PCDHGC4: variants seen among roughly 807,000 people sequenced by gnomAD.
The protein encoded by PCDHGC4 is protocadherin gamma-C4.
PCDHGC4 carries 15 observed loss-of-function variants against 59.7 expected under a neutral mutation model. That is an observed-to-expected ratio of 0.25 (90% CI 0.17 to 0.39). The LOEUF (loss-of-function observed/expected upper bound fraction) is 0.39, where lower values mean the gene tolerates loss of function less well. Among genes scored for constraint, PCDHGC4 ranks in the 10% least tolerant of loss-of-function variants. The pLI is 1.00. For missense variants in PCDHGC4, 1,016 were observed against 1,189.5 expected (o/e 0.85, Z 2.15); for synonymous variants, 434 against 481.4 (o/e 0.90, Z 1.29).
At chr5:141,507,676 A>G (rs2099862523) in intron 3 of PCDHGC4, among the ~76,000 whole-genome samples, 1 of 152,252 alleles carries the variant, frequency 6.6e-6, no homozygotes, top group African/African-American at 2.4e-5. Flanking sequence ...TCCAGATGTT[A>G]AAAACAGAAA....
chr5:141,505,803 C>T (rs920849273), intron 3 of PCDHGC4, among the ~76,000 whole-genome samples: 29 of 152,116 alleles, frequency 1.9e-4, no homozygotes, highest in African/African-American at 6.5e-4. Flanking sequence ...GGACTTGGAT[C>T]GACTTGCTCA....
chr5:141,486,654 T>C lies in PCDHGC4; in HGVS notation c.1481T>C (p.Leu494Pro). ...SGLNALISYS[L>P]LEPRNRDVSA... ...TTGAATGCGCTTATCTCCTACTCAC[T>C]CCTGGAGCCCAGGAATCGAGATGTA... is the stretch of plus-strand genomic sequence containing the variant. Residue 494 changes from leucine (L) to proline (P), a missense_variant, in exon 1 of 4, where the codon CTC becomes CCC. Physicochemically the swap from Leu to Pro is moderately conservative, Grantham distance 98. Coordinates refer to ENST00000306593, the MANE Select transcript of PCDHGC4 (RefSeq NM_018928.3). The surrounding 1 kb of genome is among the most constrained non-coding windows in gnomAD (Gnocchi z 5.0). The C allele has an allele frequency of 2.5e-6, 4 of 1,613,922 alleles. No individual in the cohort carries two copies. Among genetic ancestry groups the C allele is most frequent in the Non-Finnish European group, 3.4e-6 (4 of 1,180,026 alleles).
rs746242389 is a variant in PCDHGC4 at position 141,491,254 on chromosome 5, G to C, written c.2443-3553G>C. 3 of 1,614,080 alleles carry C rather than the reference G, an allele frequency of 1.9e-6. No individual in the cohort carries two copies. In the African/African-American group the frequency reaches 4.0e-5, roughly 22 times the overall value. On this transcript the variant is annotated intron_variant, in intron 1 of 3. Transcript: ENST00000306593. This position sits in a 1 kb window ranked among gnomAD's most constrained non-coding sequence, Gnocchi z 6.9. ...GCTGGTTCTGGAGGATGAGGACCCT[G>C]AGGAAATGCCCAAATCCAGTGACTT...
chr5:141,486,090 G>T lies in PCDHGC4; in HGVS notation c.917G>T (p.Gly306Val), dbSNP rs190955361. 2.5e-6 allele frequency: 4 copies of T among 1,614,086 alleles called. No individual in the cohort carries two copies. In the East Asian group the frequency reaches 8.9e-5, roughly 36 times the overall value. The change falls in exon 1 of 4, where the codon GGG becomes GTG. Residue 306 changes from glycine (G) to valine (V), a missense_variant. Transcript: ENST00000306593. This position sits in a 1 kb window ranked among gnomAD's most constrained non-coding sequence, Gnocchi z 5.0. Reference sequence around the variant, plus strand: ...ACTACTGGAAAGCTTACTCTTTTGGGGCCCCTAGACTTTGAGAGTGAGAAT... The same window carrying T: ...ACTACTGGAAAGCTTACTCTTTTGGTGCCCCTAGACTTTGAGAGTGAGAAT... ...HPTTGKLTLL[G>V]PLDFESENYY...
chr5:141,505,925 C>T (rs1161562658), intron 3 of PCDHGC4, among the ~76,000 whole-genome samples: 4 of 152,140 alleles, frequency 2.6e-5, no homozygotes, highest in Admixed American at 1.3e-4. Context: ...CTGGGCCTGG[C>T]GCTTGGAAGC....
chr5:141,486,168 A>C lies in PCDHGC4; in HGVS notation c.995A>C (p.Gln332Pro), dbSNP rs774913463. 6.2e-7 allele frequency: 1 copy of C among 1,614,196 alleles called. No homozygotes were observed. Among genetic ancestry groups the C allele is most frequent in the South Asian group, 1.1e-5 (1 of 91,084 alleles). Residue 332 changes from glutamine (Q) to proline (P), a missense_variant, in exon 1 of 4, where the codon CAA (glutamine) becomes CCA (proline). Physicochemically the swap from Gln to Pro is moderately conservative, Grantham distance 76. Transcript: ENST00000306593. The surrounding 1 kb of genome is among the most constrained non-coding windows in gnomAD (Gnocchi z 5.0). ...GATGGGGGTTCTCCAGCCATGGAGC[A>C]ACATTGCAGCCTTCGAGTGGATCTG... Reference protein sequence around the residue: ...ARDGGSPAMEQHCSLRVDLLD... With the variant: ...ARDGGSPAMEPHCSLRVDLLD...
In PCDHGC4 at chr5:141,511,519, C is replaced by G; in HGVS notation, c.*346C>G. 2.7e-6 allele frequency: 1 copy of G among 367,516 alleles called. No homozygotes were observed. Among genetic ancestry groups the G allele is most frequent in the African/African-American group, 2.1e-5 (1 of 48,286 alleles). 22.8% of individuals were successfully genotyped at this position (367,516 alleles called of 1,614,324 possible). A position where few individuals can be genotyped will look rare whatever the true frequency, so the allele number is the denominator to read the frequency against. ...CCAAATCAATCAGGCCCATCCATCC[C>G]ATGCCTCCCTCCTCCCCACCCCACT... On this transcript the variant is annotated 3_prime_UTR_variant, in exon 4 of 4. Coordinates refer to ENST00000306593, the MANE Select transcript of PCDHGC4 (RefSeq NM_018928.3).
In PCDHGC4 at chr5:141,490,490, C is replaced by A. The variant is rs886264588; in HGVS notation, c.2442+2875C>A. The A allele has an allele frequency of 1.2e-6, 2 of 1,614,184 alleles. No individual in the cohort carries two copies. Among genetic ancestry groups the A allele is most frequent in the Non-Finnish European group, 1.7e-6 (2 of 1,180,028 alleles). ...AGCCAGCCTTTGGACCGGGAGGCCA[C>A]ATCCCACTATATCATCGAGCTGCTG... On this transcript the variant is annotated intron_variant, in intron 1 of 3. Transcript: ENST00000306593. The surrounding 1 kb of genome is among the most constrained non-coding windows in gnomAD (Gnocchi z 5.4).
chr5:141,497,689 A>G (rs951295378), intron 2 of PCDHGC4, among the ~76,000 whole-genome samples: 1 of 151,958 alleles, frequency 6.6e-6, no homozygotes, highest in African/African-American at 2.4e-5. Flanking sequence ...GCAGGTGTGC[A>G]CCACCACACC....
chr5:141,504,988 C>T (rs886919738), intron 2 of PCDHGC4, among the ~76,000 whole-genome samples: 2 of 152,036 alleles, frequency 1.3e-5, no homozygotes, highest in African/African-American at 4.8e-5. Context: ...ATGGTGAAAC[C>T]CCGTCTGTAC....
At position 141,490,148 on chromosome 5, in the gene PCDHGC4, A is replaced by G. The variant is rs2154582223; in HGVS notation, c.2442+2533A>G. The G allele has an allele frequency of 1.2e-6, 2 of 1,614,232 alleles. No homozygotes were observed. The highest frequency in any genetic ancestry group is 4.5e-5 in the East Asian group (2 of 44,888). On this transcript the variant is annotated intron_variant, in intron 1 of 3. Coordinates refer to ENST00000306593, the MANE Select transcript of PCDHGC4 (RefSeq NM_018928.3). The surrounding 1 kb of genome is among the most constrained non-coding windows in gnomAD (Gnocchi z 5.4). The stretch of plus-strand genomic sequence containing the variant: ...CTAGACCCTAGCAGTGGGGCAATCC[A>G]TGTGTTGGGTCCCATAGACTTTGAG...
At chr5:141,494,780 G>A (rs1314622459) in intron 1 of PCDHGC4, 27 bp from the exon 2 acceptor site, 13 of 1,613,898 alleles carry the variant, frequency 8.1e-6, no homozygotes, top group African/African-American at 1.3e-5. Context: ...CGGGTACTCA[G>A]CCCCTTTCCC....
intron 2 of PCDHGC4, among the ~76,000 whole-genome samples, chr5:141,499,326 C>G (rs1465474737): frequency 6.6e-6 from 1 of 152,156 alleles, no homozygotes; most frequent in Non-Finnish European, 1.5e-5. Flanking sequence ...TATCCCTGCT[C>G]TCTCTCAGTT....
At position 141,494,841 on chromosome 5, in the gene PCDHGC4, A is replaced by G. The variant is rs1163193977; in HGVS notation, c.2477A>G (p.Gln826Arg). ...APPNTDWRFS[Q>R]AQRPGTSGSQ... ...CCCAACACGGACTGGCGTTTCTCTC[A>G]GGCCCAGAGACCCGGCACCAGCGGG... The change falls in exon 2 of 4, where the codon CAG (glutamine) becomes CGG (arginine). Residue 826 changes from glutamine to arginine, a missense_variant. Gln to Arg is a conservative substitution (Grantham distance 43). Coordinates refer to ENST00000306593, the MANE Select transcript of PCDHGC4 (RefSeq NM_018928.3). 1 of 1,613,996 alleles carries G rather than the reference A, an allele frequency of 6.2e-7. No homozygotes were observed. The highest frequency in any genetic ancestry group is 1.1e-5 in the South Asian group (1 of 91,074).
In PCDHGC4 at chr5:141,487,227, G is replaced by A. The variant is rs763361726; in HGVS notation, c.2054G>A (p.Gly685Glu). The A allele has an allele frequency of 6.2e-7, 1 of 1,614,070 alleles. No individual in the cohort carries two copies. Among genetic ancestry groups the A allele is most frequent in the Non-Finnish European group, 8.5e-7 (1 of 1,179,952 alleles). The change falls in exon 1 of 4, where the codon GGA (glycine) becomes GAA (glutamate). Residue 685 changes from glycine (G) to glutamate (E), a missense_variant. Physicochemically the swap from Gly to Glu is moderately conservative, Grantham distance 98. Transcript: ENST00000306593. The surrounding 1 kb of genome is among the most constrained non-coding windows in gnomAD (Gnocchi z 5.0). ...DLRESSAPRE[G>E]ESRLTLYLAV... is the part of the protein sequence containing the mutation. The stretch of plus-strand genomic sequence containing the variant: ...CGAGAATCTTCAGCTCCAAGGGAAG[G>A]AGAATCTCGTCTAACCCTCTACTTG...
rs764579211 is a variant in PCDHGC4 at position 141,489,393 on chromosome 5, T to C, written c.2442+1778T>C. 1.9e-5 allele frequency: 30 copies of C among 1,614,098 alleles called. No individual in the cohort carries two copies. In the South Asian group the frequency reaches 3.3e-4, roughly 18 times the overall value. On this transcript the variant is annotated intron_variant, in intron 1 of 3. Coordinates refer to ENST00000306593, the MANE Select transcript of PCDHGC4 (RefSeq NM_018928.3). The surrounding 1 kb of genome is among the most constrained non-coding windows in gnomAD (Gnocchi z 4.5). ...CGCTGGTGGGGAATGTTGCTCAGGA[T>C]CTGGGCTTAAAGATGACAGATCTGT...
chr5:141,486,645 C>T lies in PCDHGC4; in HGVS notation c.1472C>T (p.Ser491Phe), dbSNP rs369948556. ...GACTCTGGCTTGAATGCGCTTATCT[C>T]CTACTCACTCCTGGAGCCCAGGAAT... Reference protein sequence around the residue: ...DPDSGLNALISYSLLEPRNRD... With the variant: ...DPDSGLNALIFYSLLEPRNRD... Residue 491 changes from serine (S) to phenylalanine (F), a missense_variant, in exon 1 of 4, where the codon TCC becomes TTC. By Grantham distance (155) the Ser-to-Phe change is radical. Coordinates refer to ENST00000306593, the MANE Select transcript of PCDHGC4 (RefSeq NM_018928.3). This position sits in a 1 kb window ranked among gnomAD's most constrained non-coding sequence, Gnocchi z 5.0. 1.9e-6 allele frequency: 3 copies of T among 1,613,752 alleles called. No individual in the cohort carries two copies. The highest frequency in any genetic ancestry group is 2.2e-5 in the East Asian group (1 of 44,896).
Position 141,489,089 on chromosome 5 carries a change from A to G in PCDHGC4, c.2442+1474A>G. 5.6e-5 allele frequency: 16 copies of G among 284,404 alleles called. No individual in the cohort carries two copies. The highest frequency in any genetic ancestry group is 9.0e-5 in the Non-Finnish European group (14 of 156,416). The allele number at this position is 284,404 out of a possible 1,614,324, so 17.6% of individuals were successfully genotyped here. On this transcript the variant is annotated intron_variant, in intron 1 of 3. Coordinates refer to ENST00000306593, the MANE Select transcript of PCDHGC4 (RefSeq NM_018928.3). The surrounding 1 kb of genome is among the most constrained non-coding windows in gnomAD (Gnocchi z 4.5). ...CCCTGCCCACCCCCGCCACTCGGTG[A>G]CTAAGAACTGCTGCAAGCAGGCAAA...
At position 141,489,586 on chromosome 5, in the gene PCDHGC4, C is replaced by T; in HGVS notation, c.2442+1971C>T. 1 of 1,614,082 alleles carries T rather than the reference C, an allele frequency of 6.2e-7. No individual in the cohort carries two copies. The highest frequency in any genetic ancestry group is 8.5e-7 in the Non-Finnish European group (1 of 1,179,988). On this transcript the variant is annotated intron_variant, in intron 1 of 3. Coordinates refer to ENST00000306593, the MANE Select transcript of PCDHGC4 (RefSeq NM_018928.3). This position sits in a 1 kb window ranked among gnomAD's most constrained non-coding sequence, Gnocchi z 4.5. ...GGTGGTGACTGAACACCCCCTGGAG[C>T]TAATCCGTGTAGAGGTAGAGATCCT...
Sources: gnomAD v4.1 joint callset for allele counts (sites outside exome capture counted in the v4.1 genomes callset) on GRCh38, gnomAD v4.1.1 for gene constraint, Gnocchi (gnomAD v3.1) non-coding constraint, MANE v1.5 for transcripts, NCBI Gene and HGNC (gene_info 2026-07-23, HGNC 2026-07-21) for gene names.